ZNF316: variants seen among roughly 807,000 people sequenced by gnomAD.
ZNF316 encodes zinc finger protein 316.
A neutral mutation model predicts 75.6 loss-of-function variants in ZNF316; 23 were observed. The ratio of observed to expected loss-of-function variants is 0.30; its 90% confidence interval spans 0.22 to 0.43. ZNF316 has a LOEUF of 0.43. Among genes scored for constraint, ZNF316 ranks in the 20% least tolerant of loss-of-function variants. The probability of loss-of-function intolerance (pLI) is 1.00; values close to 1 mark genes in which losing one functional copy is unlikely to be tolerated. For missense variants in ZNF316, 1,266 were observed against 1,409.4 expected (o/e 0.90, Z 1.63); for synonymous variants, 827 against 666.2 (o/e 1.24, Z -3.72).
intron 8 of ZNF316, among the ~76,000 whole-genome samples, chr7:6,649,990 C>G (rs931598860): frequency 1.3e-5 from 2 of 152,218 alleles, no homozygotes; most frequent in Non-Finnish European, 2.9e-5. Flanking sequence ...GCCTGGGAGT[C>G]CAGTTCTTTG....
At position 6,653,477 on chromosome 7, in the gene ZNF316, C is replaced by T; in HGVS notation, c.1881C>T (p.Val627=). 2 of 1,226,034 alleles carry T rather than the reference C, an allele frequency of 1.6e-6. No homozygotes were observed. The highest frequency in any genetic ancestry group is 1.6e-5 in the African/African-American group (1 of 64,156). 75.9% of individuals were successfully genotyped at this position (1,226,034 alleles called of 1,614,324 possible). Residue 627 remains valine (V), a synonymous_variant, in exon 9 of 9, where the codon GTC becomes GTT. Transcript: ENST00000382252. ...CCGACTTCCGAGAGCGGCTGCCGGT[C>T]GACGGGCGCCCGCTCCCGGCGCCCC... ...GLPDFRERLP[V]DGRPLPAPLG... is the part of the protein sequence containing the mutation.
At chr7:6,643,730 C>CGGG in intron 6 of ZNF316, 92 bp from the exon 7 acceptor site, 1 of 1,152,544 alleles carries the variant, frequency 8.7e-7, no homozygotes, top group Non-Finnish European at 1.1e-6. Flanking sequence ...TGTCCCCTGA[C>CGGG]ACCCATGCTG....
intron 6 of ZNF316, among the ~76,000 whole-genome samples, chr7:6,643,474 C>A (rs1461137117): frequency 6.6e-6 from 1 of 152,212 alleles, no homozygotes; most frequent in African/African-American, 2.4e-5. Flanking sequence ...TGCTGCTTGT[C>A]CACTCGGGTG....
chr7:6,637,654 C>A lies in ZNF316; in HGVS notation c.-430-192C>A, dbSNP rs1252688394. On this transcript the variant is annotated intron_variant, in intron 1 of 8. Coordinates refer to ENST00000382252, the MANE Select transcript of ZNF316 (RefSeq NM_001278559.2). The surrounding 1 kb of genome is among the most constrained non-coding windows in gnomAD (Gnocchi z 6.2). ...ACTTCCGCGGCAGCGCCCCCGCCTC[C>A]CGGACCCCCGTCCGGGCCTGCGCGT... is the stretch of plus-strand genomic sequence containing the variant. 6.6e-6 allele frequency among the ~76,000 whole-genome samples: 1 copy of A among 150,808 alleles called. No individual in the cohort carries two copies. The highest frequency in any genetic ancestry group is 6.6e-5 in the Admixed American group (1 of 15,144).
chr7:6,647,742 G>A (rs1779433151), intron 8 of ZNF316, among the ~76,000 whole-genome samples: 1 of 152,240 alleles, frequency 6.6e-6, no homozygotes, highest in Non-Finnish European at 1.5e-5. Flanking sequence ...CCCAGGAGTG[G>A]GAGTCGTAGA....
chr7:6,638,664 G>A (rs535929729), intron 2 of ZNF316, among the ~76,000 whole-genome samples: 1 of 152,336 alleles, frequency 6.6e-6, no homozygotes, highest in South Asian at 2.1e-4. Flanking sequence ...GCCGGGTGAG[G>A]TGGCTCACGC....
rs1333153849 is a variant in ZNF316, at chr7:6,640,058, G to A, written c.-167+917G>A. ...AGTCAGGGGGCACGTGTGACCTTCG[G>A]GACAGAGGTGGCTTCTGGATGCCTG... On this transcript the variant is annotated intron_variant, in intron 3 of 8. Transcript: ENST00000382252. The surrounding 1 kb of genome is among the most constrained non-coding windows in gnomAD (Gnocchi z 5.1). Among the ~76,000 whole-genome samples, 1 of 152,182 alleles carries A rather than the reference G, an allele frequency of 6.6e-6. No homozygotes were observed. Among genetic ancestry groups the A allele is most frequent in the East Asian group, 1.9e-4 (1 of 5,196 alleles).
Position 6,654,687 on chromosome 7 carries a change from G to T in ZNF316, c.*76G>T. On this transcript the variant is annotated 3_prime_UTR_variant, in exon 9 of 9. Coordinates refer to ENST00000382252, the MANE Select transcript of ZNF316 (RefSeq NM_001278559.2). The stretch of plus-strand genomic sequence containing the variant: ...TTGGACGGCCGGCCCCCCGCTCCTC[G>T]GGCCCCGGGAGGCTGAGGGTCCCAG... 7.2e-6 allele frequency: 8 copies of T among 1,117,708 alleles called. No homozygotes were observed. The highest frequency in any genetic ancestry group is 8.8e-6 in the Non-Finnish European group (8 of 910,168). The allele number at this position is 1,117,708 out of a possible 1,614,324, so 69.2% of individuals were successfully genotyped here. A position where few individuals can be genotyped will look rare whatever the true frequency, so the allele number is the denominator to read the frequency against.
Position 6,654,359 on chromosome 7 carries a change from C to T in ZNF316, c.2763C>T (p.Gly921=). The change falls in exon 9 of 9, where the codon GGC becomes GGT. Residue 921 remains glycine, a synonymous_variant. Transcript: ENST00000382252. ...GERPYACANC[G]RRFSQSSHLL... ...GGCCCTACGCCTGCGCCAACTGCGG[C>T]CGCCGCTTCTCGCAGAGCTCGCACT... 4.1e-6 allele frequency: 5 copies of T among 1,220,404 alleles called. No homozygotes were observed. The highest frequency in any genetic ancestry group is 4.1e-6 in the Non-Finnish European group (4 of 980,514). The allele number at this position is 1,220,404 out of a possible 1,614,324, so 75.6% of individuals were successfully genotyped here.
rs1189933838 is a variant in ZNF316, at chr7:6,656,813, C to G, written c.*2202C>G. Among the ~76,000 whole-genome samples the G allele has an allele frequency of 6.6e-6, 1 of 151,816 alleles. No individual in the cohort carries two copies. Among genetic ancestry groups the G allele is most frequent in the Non-Finnish European group, 1.5e-5 (1 of 68,002 alleles). Reference sequence around the variant, plus strand: ...AGGCCCCAGCACCATGTGGCTCATCCAGGGCTCACCTACTCCAGTACCAGG... The same window carrying G: ...AGGCCCCAGCACCATGTGGCTCATCGAGGGCTCACCTACTCCAGTACCAGG... On this transcript the variant is annotated 3_prime_UTR_variant, in exon 9 of 9. Coordinates refer to ENST00000382252, the MANE Select transcript of ZNF316 (RefSeq NM_001278559.2).
At chr7:6,644,650 A>G in intron 8 of ZNF316, 57 bp downstream of exon 8, 1 of 1,063,688 alleles carries the variant, frequency 9.4e-7, no homozygotes, top group Admixed American at 4.3e-5. Context: ...GCTGTTGTCA[A>G]ACTTTGGCCT....
intron 7 of ZNF316, 38 bp downstream of exon 7, chr7:6,643,986 G>T (rs1409437523): frequency 2.4e-6 from 3 of 1,231,688 alleles, no homozygotes; most frequent in East Asian, 3.2e-5. Context: ...AGGCAGCCTG[G>T]TGTGATGGCT....
rs181957305 is a variant in ZNF316, at chr7:6,651,652, A to T, written c.707-651A>T. On this transcript the variant is annotated intron_variant, in intron 8 of 8. Coordinates refer to ENST00000382252, the MANE Select transcript of ZNF316 (RefSeq NM_001278559.2). ...GTGGCCTGAGCCCATAATCGCAGCT[A>T]CTTGGGAGGCTGAGGTGGGAGAATT... Among the ~76,000 whole-genome samples, 68 of 151,696 alleles carry T rather than the reference A, an allele frequency of 4.5e-4. 1 individual carries two copies. The highest frequency in any genetic ancestry group is 1.6e-3 in the African/African-American group (65 of 41,398).
Position 6,653,210 on chromosome 7 carries a change from G to A in ZNF316, c.1614G>A (p.Glu538=), listed in dbSNP as rs1443787373. 6.5e-6 allele frequency: 8 copies of A among 1,221,932 alleles called. No homozygotes were observed. The highest frequency in any genetic ancestry group is 8.2e-5 in the South Asian group (2 of 24,282). The allele number at this position is 1,221,932 out of a possible 1,614,324, so 75.7% of individuals were successfully genotyped here. ...CCGAGGACACGGACCCTGGGCCAGA[G>A]GGATCTGAAGTTGGCGAGGCGGACG... ...AGPEDTDPGP[E]GSEVGEADGE... is the part of the protein sequence containing the mutation. Residue 538 remains glutamate, a synonymous_variant, in exon 9 of 9, where the codon GAG becomes GAA. Coordinates refer to ENST00000382252, the MANE Select transcript of ZNF316 (RefSeq NM_001278559.2).
At position 6,652,808 on chromosome 7, in the gene ZNF316, G is replaced by T; in HGVS notation, c.1212G>T (p.Pro404=). ...CCGGCGAGAAGCCCTTCCCGTGCCC[G>T]GACTGCGGCAAGCGCTTCGTCTACA... ...THTGEKPFPC[P]DCGKRFVYKS... is the part of the protein sequence containing the mutation. The change falls in exon 9 of 9, where the codon CCG becomes CCT. Residue 404 remains proline, a synonymous_variant. Transcript: ENST00000382252. The T allele has an allele frequency of 7.9e-7, 1 of 1,268,914 alleles. No homozygotes were observed. Among genetic ancestry groups the T allele is most frequent in the East Asian group, 3.0e-5 (1 of 33,256 alleles). The allele number at this position is 1,268,914 out of a possible 1,614,324, so 78.6% of individuals were successfully genotyped here. A position where few individuals can be genotyped will look rare whatever the true frequency, so the allele number is the denominator to read the frequency against.
chr7:6,643,823 A>G lies in ZNF316; in HGVS notation c.467A>G (p.Glu156Gly), dbSNP rs2253869. ...EDDLLTAGCQ[E>G]LVTFEDVAVY... Reference sequence around the variant, plus strand: ...TCACCTGAGGCTCTGTTTCCCCAGGAGCTGGTGACGTTTGAAGATGTGGCT... The same window carrying G: ...TCACCTGAGGCTCTGTTTCCCCAGGGGCTGGTGACGTTTGAAGATGTGGCT... The change falls in exon 7 of 9, where the codon GAG becomes GGG. Residue 156 changes from glutamate (E) to glycine (G), a missense_variant and splice_region_variant. This residue lies in a region of ZNF316 where 961 missense variants were observed against 990.9 expected (regional missense o/e 0.97). Transcript: ENST00000382252. 668,988 of 1,235,508 alleles carry G rather than the reference A, an allele frequency of 0.54. 185,373 individuals are homozygous for G. Among genetic ancestry groups the G allele is most frequent in the South Asian group, 0.82 (20,004 of 24,510 alleles). 76.5% of individuals were successfully genotyped at this position (1,235,508 alleles called of 1,614,324 possible). A position where few individuals can be genotyped will look rare whatever the true frequency, so the allele number is the denominator to read the frequency against.
At position 6,642,749 on chromosome 7, in the gene ZNF316, G is replaced by T. The variant is rs1277507669; in HGVS notation, c.340G>T (p.Val114Phe). 1.6e-6 allele frequency: 2 copies of T among 1,233,622 alleles called. No homozygotes were observed. Among genetic ancestry groups the T allele is most frequent in the Non-Finnish European group, 2.0e-6 (2 of 989,140 alleles). The allele number at this position is 1,233,622 out of a possible 1,614,324, so 76.4% of individuals were successfully genotyped here. ...LSRGGDAKSPVLQEKGLQASR... is the reference protein window; with the variant it reads ...LSRGGDAKSPFLQEKGLQASR... ...CCGTGGTGGTGATGCCAAGTCCCCAGTTCTTCAGGAAAAGGGTAAGAAAAG... is the reference window on the plus strand; with the variant it reads ...CCGTGGTGGTGATGCCAAGTCCCCATTTCTTCAGGAAAAGGGTAAGAAAAG... Residue 114 changes from valine to phenylalanine, a missense_variant, in exon 5 of 9, where the codon GTT becomes TTT. By Grantham distance (50) the Val-to-Phe change is conservative (BLOSUM62 -1). This residue lies in a region of ZNF316 where 961 missense variants were observed against 990.9 expected (regional missense o/e 0.97). Coordinates refer to ENST00000382252, the MANE Select transcript of ZNF316 (RefSeq NM_001278559.2). This position sits in a 1 kb window ranked among gnomAD's most constrained non-coding sequence, Gnocchi z 8.1.
At chr7:6,643,115 G>C (rs1406756852) in intron 6 of ZNF316, 42 bp downstream of exon 6, 2 of 1,232,408 alleles carry the variant, frequency 1.6e-6, no homozygotes, top group African/African-American at 3.1e-5. Flanking sequence ...AACCTGGGCA[G>C]GGTTTCCCCC....
Position 6,642,879 on chromosome 7 carries a change from C to G in ZNF316, c.356-85C>G. 1 of 1,232,080 alleles carries G rather than the reference C, an allele frequency of 8.1e-7. No homozygotes were observed. Among genetic ancestry groups the G allele is most frequent in the Non-Finnish European group, 1.0e-6 (1 of 987,966 alleles). The allele number at this position is 1,232,080 out of a possible 1,614,324, so 76.3% of individuals were successfully genotyped here. A position where few individuals can be genotyped will look rare whatever the true frequency, so the allele number is the denominator to read the frequency against. ...CCGACAGGGTGGAGCTGAAACCCAG[C>G]TTTGCAATGAGGGTGTTGCCAGGGC... On this transcript the variant is annotated intron_variant, in intron 5 of 8. Coordinates refer to ENST00000382252, the MANE Select transcript of ZNF316 (RefSeq NM_001278559.2). This position sits in a 1 kb window ranked among gnomAD's most constrained non-coding sequence, Gnocchi z 8.1.
Sources: allele counts gnomAD v4.1 joint callset (sites outside exome capture counted in the v4.1 genomes callset), GRCh38; gene constraint gnomAD v4.1.1; regional missense constraint gnomAD v4.1.1; non-coding constraint Gnocchi (gnomAD v3.1); transcripts MANE v1.5; gene names NCBI Gene and HGNC (gene_info 2026-07-23, HGNC 2026-07-21).